CERCAM: variants seen among roughly 807,000 people sequenced by gnomAD.
CERCAM encodes inactive glycosyltransferase 25 family member 3.
A neutral mutation model predicts 66.0 loss-of-function variants in CERCAM; 59 were observed. The ratio of observed to expected loss-of-function variants is 0.89; its 90% CI spans 0.73 to 1.11. The LOEUF is 1.11. CERCAM is among the 50% of genes most tolerant of loss of function. The probability of loss-of-function intolerance (pLI) is 0.00; values close to 1 mark genes in which losing one functional copy is unlikely to be tolerated. For synonymous variants in CERCAM, 318 were observed against 343.6 expected (o/e 0.93, Z 0.83); for missense variants, 840 against 828.3 (o/e 1.01, Z -0.17).
intron 5 of CERCAM, 149 bp downstream of exon 5, chr9:128,424,763 CT>C: frequency 1.5e-6 from 1 of 665,134 alleles, no homozygotes; most frequent in East Asian, 2.8e-5. Context: ...TCTTTTCTCT[CT>C]CTTTTTTTTT....
At chr9:128,431,899 G>T (rs959408445) in intron 9 of CERCAM, 2 of 152,876 alleles carry the variant, frequency 1.3e-5, no homozygotes, top group African/African-American at 4.8e-5. Flanking sequence ...TGCTGGACAC[G>T]GCAGGAGAGA....
chr9:128,435,683 G>A lies in CERCAM; in HGVS notation c.1566G>A (p.Arg522=). The A allele has an allele frequency of 1.2e-6, 2 of 1,613,680 alleles. No homozygotes were observed. Among genetic ancestry groups the A allele is most frequent in the South Asian group, 2.2e-5 (2 of 91,012 alleles). ...NEQYKAHFWP[R]DLVAFSAQPL... is the part of the protein sequence containing the mutation. Reference sequence around the variant, plus strand: ...AGTACAAGGCACACTTCTGGCCACGGGACCTGGTGGCCTTCTCCGCCCAGC... The same window carrying A: ...AGTACAAGGCACACTTCTGGCCACGAGACCTGGTGGCCTTCTCCGCCCAGC... Residue 522 remains arginine, a synonymous_variant, in exon 12 of 13, where the codon CGG becomes CGA. Transcript: ENST00000372838.
At chr9:128,420,017 C>G (rs951050355), upstream of CERCAM, among the ~76,000 whole-genome samples, 8 of 152,096 alleles carry the variant, frequency 5.3e-5, no homozygotes, top group African/African-American at 1.9e-4. The surrounding 1 kb of genome is among the most constrained non-coding windows in gnomAD (Gnocchi z 5.0). Flanking sequence ...AGTACAGGCA[C>G]CCGCCACGAC....
At chr9:128,423,092 G>T in intron 2 of CERCAM, 54 bp from the exon 3 acceptor site, 3 of 1,334,638 alleles carry the variant, frequency 2.2e-6, no homozygotes, top group East Asian at 2.9e-5. Flanking sequence ...CCACTGCCCT[G>T]CAGAGAGGGA....
intron 11 of CERCAM, among the ~76,000 whole-genome samples, chr9:128,435,264 C>T (rs140849538): frequency 5.8e-4 from 88 of 152,060 alleles, no homozygotes; most frequent in African/African-American, 2.0e-3. Flanking sequence ...CCCAAAGTGC[C>T]GGGATTACAG....
chr9:128,435,605 G>C, intron 11 of CERCAM, 48 bp from the exon 12 acceptor site: 1 of 1,542,724 alleles, frequency 6.5e-7, no homozygotes, highest in African/African-American at 1.4e-5. Context: ...TGTGTCCGGG[G>C]AGTAGGGGCC....
intron 5 of CERCAM, among the ~76,000 whole-genome samples, chr9:128,425,351 A>G (rs995139014): frequency 1.2e-4 from 18 of 151,760 alleles, no homozygotes; most frequent in South Asian, 2.1e-4. Flanking sequence ...CACCGCGCCC[A>G]GCCAAGATGA....
At chr9:128,419,747 G>A (rs1313889449), upstream of CERCAM, 1 of 152,196 alleles carries the variant, frequency 6.6e-6, no homozygotes, top group African/African-American at 2.4e-5. Flanking sequence ...GGACCCCGGC[G>A]GTGCTCCAGG....
In CERCAM at chr9:128,424,144, G is replaced by A. The variant is rs1227172922; in HGVS notation, c.433G>A (p.Asp145Asn). 1.2e-6 allele frequency: 2 copies of A among 1,613,782 alleles called. No homozygotes were observed. Among genetic ancestry groups the A allele is most frequent in the Non-Finnish European group, 1.7e-6 (2 of 1,179,920 alleles). ...NWGADYILFA[D>N]TDNILTNNQT... The stretch of plus-strand genomic sequence containing the variant: ...TGACGTCCCCTCCTCAAAGTTTGCA[G>A]ACACAGACAACATTCTGACCAACAA... The change falls in exon 4 of 13, where the codon GAC becomes AAC. Residue 145 changes from aspartate (D) to asparagine (N), a missense_variant. Coordinates refer to ENST00000372838, the MANE Select transcript of CERCAM (RefSeq NM_016174.5).
At position 128,431,306 on chromosome 9, in the gene CERCAM, G is replaced by C; in HGVS notation, c.1203+3G>C. 6.2e-7 allele frequency: 1 copy of C among 1,613,948 alleles called. No homozygotes were observed. Among genetic ancestry groups the C allele is most frequent in the Non-Finnish European group, 8.5e-7 (1 of 1,180,000 alleles). ...GCCATTACTCCATCTGGGAAGAGGTGAGGGTGCCTGCTTCCTCCATCCACA... is the reference window on the plus strand; with the variant it reads ...GCCATTACTCCATCTGGGAAGAGGTCAGGGTGCCTGCTTCCTCCATCCACA... On this transcript the variant is annotated splice_donor_region_variant and intron_variant, in intron 9 of 12. Coordinates refer to ENST00000372838, the MANE Select transcript of CERCAM (RefSeq NM_016174.5).
chr9:128,436,880 G>C lies in CERCAM; in HGVS notation c.*32G>C, dbSNP rs1834125681. On this transcript the variant is annotated 3_prime_UTR_variant, in exon 13 of 13. Coordinates refer to ENST00000372838, the MANE Select transcript of CERCAM (RefSeq NM_016174.5). ...GTGATGACTGCAAAGCAGTGTCCAG[G>C]AGCAGGCCACTACTGCCCAGAGAGC... The C allele has an allele frequency of 6.6e-6, 1 of 152,310 alleles. No homozygotes were observed. Among genetic ancestry groups the C allele is most frequent in the Non-Finnish European group, 1.5e-5 (1 of 68,126 alleles). 9.4% of individuals were successfully genotyped at this position (152,310 alleles called of 1,614,324 possible).
chr9:128,435,336 G>A (rs1834082747), intron 11 of CERCAM, among the ~76,000 whole-genome samples: 1 of 152,112 alleles, frequency 6.6e-6, no homozygotes, highest in African/African-American at 2.4e-5. Context: ...GTTTTGCCAT[G>A]TTGGTCAGGC....
Position 128,434,496 on chromosome 9 carries a change from G to A in CERCAM, c.1418G>A (p.Trp473Ter). The part of the protein sequence containing the change: ...PGLVVAGYSY[W>*]TLAYALRLAG... Reference sequence around the variant, plus strand: ...CTGGTGGTGGCTGGGTACTCCTACTGGACGCTGGCCTATGCCCTGCGTCTG... The same window carrying A: ...CTGGTGGTGGCTGGGTACTCCTACTAGACGCTGGCCTATGCCCTGCGTCTG... Residue 473 changes from tryptophan (W) to a stop codon, truncating the protein, a stop_gained, in exon 11 of 13, where the codon TGG (tryptophan) becomes TAG (stop). Transcript: ENST00000372838. LOFTEE classifies it high-confidence loss of function. The surrounding 1 kb of genome is among the most constrained non-coding windows in gnomAD (Gnocchi z 4.5). 3.1e-6 allele frequency: 5 copies of A among 1,613,730 alleles called. No individual in the cohort carries two copies. The highest frequency in any genetic ancestry group is 3.4e-6 in the Non-Finnish European group (4 of 1,179,990).
rs769282187 is a variant in CERCAM at position 128,435,763 on chromosome 9, C to G, written c.1646C>G (p.Thr549Arg). The change falls in exon 12 of 13, where the codon ACG (threonine) becomes AGG (arginine). Residue 549 changes from threonine (T) to arginine (R), a missense_variant. Physicochemically the swap from Thr to Arg is moderately conservative, Grantham distance 71. Coordinates refer to ENST00000372838, the MANE Select transcript of CERCAM (RefSeq NM_016174.5). Reference sequence around the variant, plus strand: ...GGGGACGCCGAGTGGCTCAGTGACACGGAGACATCCTCTCCATGGGATGAT... The same window carrying G: ...GGGGACGCCGAGTGGCTCAGTGACAGGGAGACATCCTCTCCATGGGATGAT... The part of the protein sequence containing the change: ...YAGDAEWLSD[T>R]ETSSPWDDDS... 6.8e-6 allele frequency: 11 copies of G among 1,613,352 alleles called. No homozygotes were observed. Among genetic ancestry groups the G allele is most frequent in the Admixed American group, 1.7e-5 (1 of 59,968 alleles).
Position 128,434,543 on chromosome 9 carries a change from G to A in CERCAM, c.1465G>A (p.Ala489Thr), listed in dbSNP as rs1156408259. 3 of 1,612,170 alleles carry A rather than the reference G, an allele frequency of 1.9e-6. 1 individual carries two copies. The African/African-American group carries it at 4.0e-5, about 22-fold the overall frequency. ...TCTGGCGGGTGCCCGCAAGCTGCTG[G>A]CCTCACAGCCTCTGCGCCGCATGCT... Reference protein sequence around the residue: ...LRLAGARKLLASQPLRRMLPV... With the variant: ...LRLAGARKLLTSQPLRRMLPV... The change falls in exon 11 of 13, where the codon GCC becomes ACC. Residue 489 changes from alanine (A) to threonine (T), a missense_variant. Transcript: ENST00000372838. This position sits in a 1 kb window ranked among gnomAD's most constrained non-coding sequence, Gnocchi z 4.5.
Position 128,424,579 on chromosome 9 carries a change from ACAT to A in CERCAM, c.736_738del (p.Ile246del). The stretch of plus-strand genomic sequence containing the variant: ...CCCAACTACACTTGGCCTTTCGACG[ACAT>A]CATCGTCTTCGCCTATGCCTGCCAG... On this transcript the variant is annotated inframe_deletion, in exon 5 of 13. Transcript: ENST00000372838. 6.2e-7 allele frequency: 1 copy of A among 1,614,166 alleles called. No individual in the cohort carries two copies.
At chr9:128,429,555 C>T (rs905778198) in intron 8 of CERCAM, among the ~76,000 whole-genome samples, 1 of 152,192 alleles carries the variant, frequency 6.6e-6, no homozygotes, top group Admixed American at 6.5e-5. Flanking sequence ...ACCAGGGGTC[C>T]TATGGCCCCA....
intron 9 of CERCAM, among the ~76,000 whole-genome samples, chr9:128,433,129 A>C (rs923853583): frequency 1.4e-4 from 21 of 151,996 alleles, no homozygotes; most frequent in African/African-American, 4.8e-4. Flanking sequence ...AATACAAAAA[A>C]ATTAGCCAGG....
upstream of CERCAM, chr9:128,420,664 C>T (rs1833685168): frequency 4.4e-6 from 1 of 226,608 alleles, no homozygotes; most frequent in East Asian, 9.9e-5. This position sits in a 1 kb window ranked among gnomAD's most constrained non-coding sequence, Gnocchi z 5.0. Context: ...GCGGCTGGCG[C>T]GGGTCCCCGG....
Sources: allele counts gnomAD v4.1 joint callset (sites outside exome capture counted in the v4.1 genomes callset), GRCh38; gene constraint gnomAD v4.1.1; non-coding constraint Gnocchi (gnomAD v3.1); transcripts MANE v1.5; gene names NCBI Gene and HGNC (gene_info 2026-07-23, HGNC 2026-07-21).